Variants in NFYC observed in about 807,000 individuals in gnomAD.
NFYC encodes the protein nuclear transcription factor Y subunit gamma, also known as CAAT box DNA-binding protein subunit C.
NFYC carries 25 observed loss-of-function variants against 53.1 expected under a neutral mutation model. The ratio of observed to expected loss-of-function variants is 0.47; its 90% CI spans 0.34 to 0.66. NFYC has a LOEUF of 0.66. NFYC is among the 30% of genes least tolerant of loss of function. NFYC has a pLI of 0.01. For synonymous variants in NFYC, 145 were observed against 152.6 expected (o/e 0.95, Z 0.37); for missense variants, 260 against 422.7 (o/e 0.62, Z 3.38).
intron 2 of NFYC, among the ~76,000 whole-genome samples, chr1:40,743,744 GT>G (rs1477562872): frequency 6.6e-6 from 1 of 152,214 alleles, no homozygotes; most frequent in East Asian, 1.9e-4. Context: ...AGCCCTTTCT[GT>G]AGAGCAGTGC....
intron 1 of NFYC, among the ~76,000 whole-genome samples, chr1:40,710,626 C>T (rs1221487428): frequency 6.6e-6 from 1 of 152,070 alleles, no homozygotes; most frequent in African/African-American, 2.4e-5. Flanking sequence ...AGTGTGGAGC[C>T]GTCAGCCAGC....
chr1:40,733,362 G>A (rs1644865645), intron 1 of NFYC, among the ~76,000 whole-genome samples: 1 of 151,356 alleles, frequency 6.6e-6, no homozygotes, highest in African/African-American at 2.4e-5. Context: ...TTGAGTGCCT[G>A]TAGTCCCAGC....
intron 1 of NFYC, among the ~76,000 whole-genome samples, chr1:40,722,293 C>A (rs1463123582): frequency 1.3e-5 from 2 of 152,078 alleles, no homozygotes; most frequent in Admixed American, 1.3e-4. Flanking sequence ...AAATTTGGAA[C>A]GTTCCCATGT....
intron 8 of NFYC, among the ~76,000 whole-genome samples, chr1:40,767,890 C>T (rs1234995729): frequency 2.0e-5 from 3 of 152,126 alleles, no homozygotes; most frequent in African/African-American, 7.2e-5. Flanking sequence ...ACACAAGAAT[C>T]ACTTGAACCC....
intron 8 of NFYC, chr1:40,767,346 C>T (rs1646869335): frequency 7.3e-6 from 2 of 274,448 alleles, no homozygotes; most frequent in Admixed American, 4.7e-5. Context: ...AGAGCTGGAC[C>T]CGTCTGGCCC....
At chr1:40,696,644 T>C (rs1255262750) in intron 1 of NFYC, among the ~76,000 whole-genome samples, 5 of 152,144 alleles carry the variant, frequency 3.3e-5, no homozygotes, top group Non-Finnish European at 7.4e-5. Context: ...AAGTGACAGG[T>C]TTACTTCATT....
intron 1 of NFYC, among the ~76,000 whole-genome samples, chr1:40,736,154 T>C (rs531755370): frequency 6.6e-6 from 1 of 152,302 alleles, no homozygotes; most frequent in East Asian, 1.9e-4. Flanking sequence ...CCACAAGAAA[T>C]TGGCTCCAAA....
intron 1 of NFYC, among the ~76,000 whole-genome samples, chr1:40,709,867 CTT>C (rs978791239): frequency 3.0e-4 from 46 of 152,320 alleles, no homozygotes; most frequent in African/African-American, 1.1e-3. Flanking sequence ...AAGCAAAACA[CTT>C]TTCTCTTTGC....
chr1:40,762,183 A>G (rs1041441806), intron 6 of NFYC, among the ~76,000 whole-genome samples: 6 of 152,236 alleles, frequency 3.9e-5, no homozygotes, highest in African/African-American at 1.4e-4. Context: ...TTAGAAAGTT[A>G]GAGTTCTTGC....
At chr1:40,708,315 A>G (rs187174145) in intron 1 of NFYC, among the ~76,000 whole-genome samples, 2 of 152,300 alleles carry the variant, frequency 1.3e-5, no homozygotes, top group Admixed American at 6.5e-5. Context: ...GTGAGACACC[A>G]TCTCTTAAAA....
intron 2 of NFYC, among the ~76,000 whole-genome samples, chr1:40,745,044 A>G (rs1645537345): frequency 6.6e-6 from 1 of 152,194 alleles, no homozygotes; most frequent in South Asian, 2.1e-4. Context: ...TGTCACAAAG[A>G]AAAGCTTTGG....
intron 1 of NFYC, among the ~76,000 whole-genome samples, chr1:40,715,238 T>C (rs961243963): frequency 4.6e-5 from 7 of 151,782 alleles, no homozygotes; most frequent in Non-Finnish European, 8.8e-5. Flanking sequence ...ACCCAGCCTT[T>C]ACTAAAAAAA....
intron 1 of NFYC, among the ~76,000 whole-genome samples, chr1:40,714,153 T>A (rs1644036789): frequency 6.6e-6 from 1 of 152,222 alleles, no homozygotes; most frequent in African/African-American, 2.4e-5. Flanking sequence ...TTATTATATT[T>A]CAAGAACAAG....
chr1:40,732,078 G>A (rs1424038679), intron 1 of NFYC, among the ~76,000 whole-genome samples: 3 of 152,202 alleles, frequency 2.0e-5, no homozygotes, highest in Non-Finnish European at 2.9e-5. Flanking sequence ...TCATTTTAGC[G>A]GAGCTTCCTG....
chr1:40,745,443 A>T (rs2148652521), intron 2 of NFYC, among the ~76,000 whole-genome samples: 1 of 152,290 alleles, frequency 6.6e-6, no homozygotes, highest in South Asian at 2.1e-4. Flanking sequence ...AAGAAGGAAG[A>T]CCAGTGGTTG....
intron 4 of NFYC, 150 bp from the exon 5 acceptor site, chr1:40,753,001 A>G: frequency 1.7e-6 from 1 of 595,964 alleles, no homozygotes; most frequent in Non-Finnish European, 3.0e-6. Context: ...TTTAAAGTAT[A>G]TGAGTTTGGC....
intron 6 of NFYC, among the ~76,000 whole-genome samples, chr1:40,759,101 G>A (rs1646390799): frequency 6.6e-6 from 1 of 152,220 alleles, no homozygotes; most frequent in Non-Finnish European, 1.5e-5. Flanking sequence ...GCTCAGCGCA[G>A]TGGCTCATGC....
At chr1:40,720,645 T>TC (rs1213413529) in intron 1 of NFYC, among the ~76,000 whole-genome samples, 1 of 152,112 alleles carries the variant, frequency 6.6e-6, no homozygotes, top group Admixed American at 6.6e-5. Context: ...AGTGAGAGGA[T>TC]CACTTGAGCC....
chr1:40,698,052 TTAAAA>T (rs1643243647), intron 1 of NFYC, among the ~76,000 whole-genome samples: 1 of 152,154 alleles, frequency 6.6e-6, no homozygotes, highest in Non-Finnish European at 1.5e-5. Context: ...TAGAATACGT[TTAAAA>T]TAAAGGTTGA....
Sources: allele counts gnomAD v4.1 joint callset (sites outside exome capture counted in the v4.1 genomes callset), GRCh38; gene constraint gnomAD v4.1.1; transcripts MANE v1.5; gene names NCBI Gene and HGNC (gene_info 2026-07-23, HGNC 2026-07-21).